LRRC37A2: variants seen among roughly 807,000 people sequenced by gnomAD.
The protein encoded by LRRC37A2 is leucine rich repeat containing 37 member A2, also known as leucine-rich repeat-containing protein 37A2.
Under a neutral mutation model 68.8 loss-of-function variants are expected in LRRC37A2, and 9 were observed. The ratio of observed to expected loss-of-function variants is 0.13; its 90% CI spans 0.08 to 0.23. The LOEUF (loss-of-function observed/expected upper bound fraction) is 0.23, where lower values mean the gene tolerates loss of function less well. Ranked by LOEUF, LRRC37A2 falls within the 10% of genes least tolerant of loss-of-function variation. The pLI is 1.00. For synonymous variants in LRRC37A2, 63 were observed against 367.6 expected (o/e 0.17, Z 9.48); for missense variants, 168 against 950.4 (o/e 0.18, Z 10.82).
At chr17:46,917,488 T>G in the LRRC37A2 span, among the ~76,000 whole-genome samples, 152,278 of 152,356 alleles carry the variant, frequency 1, 76,100 homozygotes, top group Non-Finnish European at 1. Flanking sequence ...GGGAGGCTGG[T>G]TCCCCAAAGC....
the LRRC37A2 span, chr17:46,923,348 G>T: frequency 6.6e-7 from 1 of 1,519,704 alleles, no homozygotes. Context: ...GCACTGCTGG[G>T]GATGCCTCCG....
At chr17:46,981,087 T>C in the LRRC37A2 span, among the ~76,000 whole-genome samples, 1 of 152,320 alleles carries the variant, frequency 6.6e-6, no homozygotes, top group African/African-American at 2.4e-5. Context: ...GAAAGCACTT[T>C]GTTATTGCAA....
chr17:47,040,000 T>G, the LRRC37A2 span, among the ~76,000 whole-genome samples: 1 of 151,968 alleles, frequency 6.6e-6, no homozygotes, highest in South Asian at 2.1e-4. Context: ...CTCTAGAATT[T>G]CTATTTGGCT....
At chr17:46,887,817 T>C in the LRRC37A2 span, among the ~76,000 whole-genome samples, 1 of 152,064 alleles carries the variant, frequency 6.6e-6, no homozygotes, top group Non-Finnish European at 1.5e-5. Flanking sequence ...AGATAACACA[T>C]GTAGCACTCC....
chr17:46,951,744 A>G, the LRRC37A2 span, among the ~76,000 whole-genome samples: 23 of 152,174 alleles, frequency 1.5e-4, no homozygotes, highest in Admixed American at 2.6e-4. Flanking sequence ...GGAAACCTCT[A>G]ATTTTCTGGG....
chr17:46,989,035 T>C, the LRRC37A2 span, among the ~76,000 whole-genome samples: 1 of 152,326 alleles, frequency 6.6e-6, no homozygotes, highest in African/African-American at 2.4e-5. Context: ...AGTGTTTCAC[T>C]CTGTCCCTCA....
chr17:47,029,772 T>C, the LRRC37A2 span, among the ~76,000 whole-genome samples: 1 of 152,120 alleles, frequency 6.6e-6, no homozygotes, highest in African/African-American at 2.4e-5. Context: ...TGGGAGTCCC[T>C]CATAAAAATC....
At chr17:47,006,354 C>T in the LRRC37A2 span, among the ~76,000 whole-genome samples, 7 of 152,038 alleles carry the variant, frequency 4.6e-5, no homozygotes, top group Admixed American at 1.3e-4. Flanking sequence ...GGTGCAGTGG[C>T]TCATGTCTGT....
At chr17:46,978,370 G>A in the LRRC37A2 span, 3 of 438,942 alleles carry the variant, frequency 6.8e-6, no homozygotes, top group African/African-American at 2.3e-5. Flanking sequence ...ACCCTGCCCC[G>A]AACGTCTTAA....
At chr17:46,929,041 C>G in the LRRC37A2 span, among the ~76,000 whole-genome samples, 1 of 152,128 alleles carries the variant, frequency 6.6e-6, no homozygotes, top group Non-Finnish European at 1.5e-5. Context: ...TTTAGCCTGT[C>G]ATTCCTCATT....
the LRRC37A2 span, among the ~76,000 whole-genome samples, chr17:46,783,272 G>T: frequency 6.6e-6 from 1 of 152,232 alleles, no homozygotes; most frequent in African/African-American, 2.4e-5. Flanking sequence ...CTCCTGTCTT[G>T]ATTTAGCCCC....
At chr17:46,851,679 TG>T in the LRRC37A2 span, 2 of 1,308,736 alleles carry the variant, frequency 1.5e-6, no homozygotes, top group Non-Finnish European at 1.9e-6. The surrounding 1 kb of genome is among the most constrained non-coding windows in gnomAD (Gnocchi z 4.3). Flanking sequence ...GGGCTCTGCC[TG>T]CTGGCGCTGC....
chr17:46,575,074 G>T, the LRRC37A2 span, among the ~76,000 whole-genome samples: 1 of 83,048 alleles, frequency 1.2e-5, no homozygotes, highest in East Asian at 2.3e-4. Flanking sequence ...TCAGCCTGGG[G>T]TGACAGAGCG....
At chr17:47,015,934 CATTTTATTT>C in the LRRC37A2 span, among the ~76,000 whole-genome samples, 4 of 88 alleles carry the variant, frequency 0.045, no homozygotes, top group Non-Finnish European at 0.079. Context: ...GAATCTCTTC[CATTTTATTT>C]ATTTTATTTT....
chr17:46,721,770 A>G, the LRRC37A2 span: 1 of 1,603,062 alleles, frequency 6.2e-7, no homozygotes, highest in Non-Finnish European at 8.5e-7. Context: ...GGGAAGACCA[A>G]GTCCTCAAGG....
chr17:46,522,363 G>A (rs1209862369), intron 4 of LRRC37A2, among the ~76,000 whole-genome samples: 3 of 64,748 alleles, frequency 4.6e-5, no homozygotes, highest in Admixed American at 2.6e-4. Context: ...GTGAAAGGAT[G>A]TCTTTTATTT....
the LRRC37A2 span, among the ~76,000 whole-genome samples, chr17:46,961,415 G>A: frequency 1.3e-5 from 2 of 152,064 alleles, no homozygotes; most frequent in South Asian, 2.1e-4. Flanking sequence ...TGCATCTATC[G>A]TCCCAGCTAT....
the LRRC37A2 span, among the ~76,000 whole-genome samples, chr17:46,835,805 C>A: frequency 6.6e-6 from 1 of 152,138 alleles, no homozygotes; most frequent in East Asian, 1.9e-4. Context: ...GGGCCTGCGC[C>A]CCCTCAGCCC....
At chr17:46,869,224 G>A in the LRRC37A2 span, among the ~76,000 whole-genome samples, 3 of 152,116 alleles carry the variant, frequency 2.0e-5, no homozygotes, top group South Asian at 2.1e-4. Flanking sequence ...AAAATTAACC[G>A]ACTTGATACT....
Sources: gnomAD v4.1 joint callset for allele counts (sites outside exome capture counted in the v4.1 genomes callset) on GRCh38, gnomAD v4.1.1 for gene constraint, Gnocchi (gnomAD v3.1) non-coding constraint, MANE v1.5 for transcripts, NCBI Gene and HGNC (gene_info 2026-07-23, HGNC 2026-07-21) for gene names.